Variants in VTCN1 observed in about 807,000 individuals in gnomAD.
The protein encoded by VTCN1 is V-set domain-containing T-cell activation inhibitor 1.
VTCN1 carries 26 observed loss-of-function variants against 26.5 expected under a neutral mutation model. The ratio of observed to expected loss-of-function variants is 0.98; its 90% CI spans 0.72 to 1.36. VTCN1 has a LOEUF of 1.36. VTCN1 is among the 40% of genes most tolerant of loss of function. VTCN1 has a pLI of 0.00. For missense variants in VTCN1, 298 were observed against 337.7 expected, an observed-to-expected ratio of 0.88 and a Z score of 0.92; for synonymous variants, 116 against 130.7, an observed-to-expected ratio of 0.89 and a Z score of 0.77.
At chr1:117,203,874 G>A in intron 1 of VTCN1, 5 of 776,860 alleles carry the variant, frequency 6.4e-6, no homozygotes, top group Non-Finnish European at 7.8e-6. Context: ...TGCAGGATGG[G>A]GGGAATGAAA....
rs76857330 is a variant in VTCN1, at chr1:117,147,243, G to T, written c.*45+370C>A. On this transcript the variant is annotated intron_variant, in intron 5 of 5. Transcript: ENST00000369458. This position sits in a 1 kb window ranked among gnomAD's most constrained non-coding sequence, Gnocchi z 4.6. Reference sequence around the variant, plus strand: ...AGGGGCCGGCTGGAAGGGCAGGGAGGGGTTTTATGTGAATGATGATATGCT... The same window carrying T: ...AGGGGCCGGCTGGAAGGGCAGGGAGTGGTTTTATGTGAATGATGATATGCT... Among the ~76,000 whole-genome samples, 4,058 of 152,176 alleles carry T rather than the reference G, an allele frequency of 0.027. 172 individuals are homozygous for T. Among genetic ancestry groups the T allele is most frequent in the African/African-American group, 0.093 (3,851 of 41,496 alleles).
At chr1:117,204,975 C>G (rs1302950715) in intron 1 of VTCN1, among the ~76,000 whole-genome samples, 1 of 151,648 alleles carries the variant, frequency 6.6e-6, no homozygotes. Context: ...GGTGTACTGA[C>G]TTTCTGAACT....
At chr1:117,179,547 A>G (rs1647568586) in intron 1 of VTCN1, among the ~76,000 whole-genome samples, 2 of 152,202 alleles carry the variant, frequency 1.3e-5, no homozygotes, top group Admixed American at 6.5e-5. Flanking sequence ...AAACTTTCCA[A>G]CAGAGCTCGC....
At chr1:117,172,691 T>G (rs1652983791) in intron 1 of VTCN1, among the ~76,000 whole-genome samples, 1 of 152,180 alleles carries the variant, frequency 6.6e-6, no homozygotes, top group South Asian at 2.1e-4. Context: ...CCTCAGAGTG[T>G]GCCTTTACTT....
intron 1 of VTCN1, among the ~76,000 whole-genome samples, chr1:117,194,824 C>A (rs911150928): frequency 1.3e-5 from 2 of 152,166 alleles, no homozygotes; most frequent in Non-Finnish European, 2.9e-5. Context: ...AAAAGTTACA[C>A]TCATTGAAGC....
chr1:117,198,665 G>T (rs967562227), intron 1 of VTCN1, among the ~76,000 whole-genome samples: 3 of 152,122 alleles, frequency 2.0e-5, no homozygotes, highest in African/African-American at 7.2e-5. Context: ...CAAATGAAAG[G>T]AACACCTATA....
chr1:117,209,629 T>C (rs552207256), intron 1 of VTCN1, among the ~76,000 whole-genome samples: 2 of 152,128 alleles, frequency 1.3e-5, no homozygotes, highest in Non-Finnish European at 2.9e-5. Context: ...GGACATCCTC[T>C]CAGGGCAGAA....
chr1:117,182,586 C>T (rs1287719859), intron 1 of VTCN1, among the ~76,000 whole-genome samples: 2 of 152,200 alleles, frequency 1.3e-5, no homozygotes, highest in Non-Finnish European at 2.9e-5. Flanking sequence ...GAGACACTCC[C>T]TGTCCTAGGG....
intron 1 of VTCN1, among the ~76,000 whole-genome samples, chr1:117,194,894 C>G (rs777762100): frequency 3.9e-5 from 6 of 152,192 alleles, no homozygotes; most frequent in Middle Eastern, 6.8e-3. Flanking sequence ...AGGTGTTAGT[C>G]AAAGGGTACA....
At position 117,175,874 on chromosome 1, in the gene VTCN1, G is replaced by A. The variant is rs141890384; in HGVS notation, c.33-5703C>T. On this transcript the variant is annotated intron_variant, in intron 1 of 5. Transcript: ENST00000369458. This position sits in a 1 kb window ranked among gnomAD's most constrained non-coding sequence, Gnocchi z 4.2. ...CAACCTCCGCCTCCCAGGTTCAAGCGATTCTCCCGTCTCAGCTTCCCGAGT... is the reference window on the plus strand; with the variant it reads ...CAACCTCCGCCTCCCAGGTTCAAGCAATTCTCCCGTCTCAGCTTCCCGAGT... Among the ~76,000 whole-genome samples the A allele has an allele frequency of 0.036, 5,495 of 151,138 alleles. 318 individuals are homozygous for A. Among genetic ancestry groups the A allele is most frequent in the African/African-American group, 0.13 (5,166 of 41,028 alleles).
intron 1 of VTCN1, among the ~76,000 whole-genome samples, chr1:117,178,517 C>G (rs1002987125): frequency 1.3e-5 from 2 of 151,010 alleles, no homozygotes; most frequent in Non-Finnish European, 2.9e-5. Flanking sequence ...CTCGGCCTCC[C>G]AAAGTGCTGG....
intron 1 of VTCN1, chr1:117,173,060 T>C: frequency 1.5e-6 from 1 of 683,664 alleles, no homozygotes; most frequent in Non-Finnish European, 2.7e-6. Context: ...TTATGAGCTG[T>C]AACACTTACC....
intron 1 of VTCN1, among the ~76,000 whole-genome samples, chr1:117,208,736 C>T (rs1451281530): frequency 6.6e-6 from 1 of 152,132 alleles, no homozygotes; most frequent in African/African-American, 2.4e-5. Context: ...TGCACAGAGG[C>T]CAGGCACGGT....
intron 1 of VTCN1, among the ~76,000 whole-genome samples, chr1:117,203,239 G>T (rs1327772329): frequency 1.3e-5 from 2 of 151,950 alleles, no homozygotes; most frequent in Admixed American, 6.6e-5. Context: ...ATCATCTGAG[G>T]CTGGGGTGGG....
At chr1:117,203,521 T>C in intron 1 of VTCN1, 1 of 808,476 alleles carries the variant, frequency 1.2e-6, no homozygotes. Flanking sequence ...CAGGAACACA[T>C]CTGAAGTGAT....
chr1:117,199,413 C>T (rs1190471856), intron 1 of VTCN1, among the ~76,000 whole-genome samples: 3 of 152,184 alleles, frequency 2.0e-5, no homozygotes. Context: ...GCAAACTCTG[C>T]CTCACAGGCT....
At chr1:117,150,816 T>C (rs1445411432) in intron 4 of VTCN1, among the ~76,000 whole-genome samples, 1 of 152,206 alleles carries the variant, frequency 6.6e-6, no homozygotes, top group African/African-American at 2.4e-5. Context: ...ACCATTCTAC[T>C]TTCTGTTTCT....
At chr1:117,190,156 G>A (rs1648174649) in intron 1 of VTCN1, among the ~76,000 whole-genome samples, 1 of 152,192 alleles carries the variant, frequency 6.6e-6, no homozygotes, top group African/African-American at 2.4e-5. Flanking sequence ...CCTCTCTGCT[G>A]TGCTTATGGA....
intron 3 of VTCN1, 141 bp downstream of exon 3, chr1:117,156,433 T>C: frequency 1.0e-6 from 1 of 961,290 alleles, no homozygotes; most frequent in Non-Finnish European, 1.5e-6. Flanking sequence ...GTCTTGGCCA[T>C]AAAATGGCAA....
Sources: allele counts gnomAD v4.1 joint callset (sites outside exome capture counted in the v4.1 genomes callset), GRCh38; gene constraint gnomAD v4.1.1; non-coding constraint Gnocchi (gnomAD v3.1); transcripts MANE v1.5; gene names NCBI Gene and HGNC (gene_info 2026-07-23, HGNC 2026-07-21).